SCFD2: variants seen among roughly 807,000 people sequenced by gnomAD.
SCFD2 encodes the protein sec1 family domain-containing protein 2.
A neutral mutation model predicts 58.9 loss-of-function variants in SCFD2; 54 were observed. That is an observed-to-expected ratio of 0.92 (90% CI 0.74 to 1.15). The LOEUF is 1.15. Among genes scored for constraint, SCFD2 ranks in the 50% most tolerant of loss-of-function variants. The pLI, the probability that SCFD2 is intolerant of heterozygous loss-of-function variation, is 0.00. For missense variants in SCFD2, 805 were observed against 836.6 expected (o/e 0.96, Z 0.47); for synonymous variants, 321 against 335.9 (o/e 0.96, Z 0.49).
At chr4:53,228,648 AC>A (rs1344141235) in intron 4 of SCFD2, among the ~76,000 whole-genome samples, 1 of 152,120 alleles carries the variant, frequency 6.6e-6, no homozygotes, top group African/African-American at 2.4e-5. Flanking sequence ...TTTATGACAA[AC>A]CCACAGCCAA....
intron 4 of SCFD2, among the ~76,000 whole-genome samples, chr4:53,256,477 T>C (rs550234175): frequency 1.3e-5 from 2 of 149,896 alleles, no homozygotes; most frequent in Non-Finnish European, 3.0e-5. Flanking sequence ...CCAGACGGGG[T>C]GGCGGCCGGG....
intron 3 of SCFD2, among the ~76,000 whole-genome samples, chr4:53,301,085 G>T (rs1338808638): frequency 6.6e-6 from 1 of 152,076 alleles, no homozygotes; most frequent in Non-Finnish European, 1.5e-5. Flanking sequence ...CAGAAGGCAA[G>T]AAATAACTAA....
chr4:52,877,790 C>T (rs951995759), intron 8 of SCFD2, among the ~76,000 whole-genome samples: 29 of 152,264 alleles, frequency 1.9e-4, no homozygotes, highest in African/African-American at 6.5e-4. Flanking sequence ...TGAATCTGAT[C>T]GCATTACTCA....
intron 4 of SCFD2, among the ~76,000 whole-genome samples, chr4:53,223,409 T>G (rs981858360): frequency 6.6e-6 from 1 of 152,224 alleles, no homozygotes; most frequent in African/African-American, 2.4e-5. Context: ...TTCTGTTTCT[T>G]GGTTATCTCT....
chr4:53,204,611 A>G (rs75805852), intron 4 of SCFD2, among the ~76,000 whole-genome samples: 2,085 of 150,922 alleles, frequency 0.014, 57 homozygotes, highest in African/African-American at 0.048. Context: ...CAGGGATTTC[A>G]GAAAGGGAAA....
chr4:52,996,961 C>T (rs1322193158), intron 5 of SCFD2, among the ~76,000 whole-genome samples: 1 of 152,196 alleles, frequency 6.6e-6, no homozygotes, highest in Non-Finnish European at 1.5e-5. Context: ...TGCATGTGTG[C>T]ATCTAAAATA....
At chr4:53,061,443 T>A (rs907211976) in intron 5 of SCFD2, among the ~76,000 whole-genome samples, 2 of 152,178 alleles carry the variant, frequency 1.3e-5, no homozygotes, top group African/African-American at 2.4e-5. Flanking sequence ...GCTCCTGCTC[T>A]AAATCATATG....
At chr4:53,233,274 G>A (rs1451688312) in intron 4 of SCFD2, among the ~76,000 whole-genome samples, 1 of 152,178 alleles carries the variant, frequency 6.6e-6, no homozygotes, top group Non-Finnish European at 1.5e-5. Context: ...AACAGCTAGA[G>A]GGAGTGGCTC....
chr4:53,308,858 C>G (rs1156960654), intron 3 of SCFD2, among the ~76,000 whole-genome samples: 1 of 152,088 alleles, frequency 6.6e-6, no homozygotes, highest in Non-Finnish European at 1.5e-5. Flanking sequence ...AAGCCGGGAA[C>G]GATGGCTCAC....
At chr4:53,191,167 G>A (rs1307616866) in intron 4 of SCFD2, among the ~76,000 whole-genome samples, 1 of 151,994 alleles carries the variant, frequency 6.6e-6, no homozygotes, top group African/African-American at 2.4e-5. Flanking sequence ...GGCCAACATG[G>A]TGAAACCCCC....
At chr4:53,240,301 G>GA in intron 4 of SCFD2, among the ~76,000 whole-genome samples, 4 of 152,104 alleles carry the variant, frequency 2.6e-5, no homozygotes, top group African/African-American at 9.6e-5. Flanking sequence ...TCCCAAGCTA[G>GA]AAAAAAATAG....
intron 5 of SCFD2, among the ~76,000 whole-genome samples, chr4:52,953,488 C>T (rs1009136680): frequency 4.6e-5 from 7 of 152,140 alleles, no homozygotes; most frequent in African/African-American, 2.4e-5. Context: ...AAGAAACAAG[C>T]TCAGGGAGGT....
intron 5 of SCFD2, among the ~76,000 whole-genome samples, chr4:53,136,696 G>A (rs1403237817): frequency 1.3e-5 from 2 of 152,158 alleles, no homozygotes; most frequent in Admixed American, 6.5e-5. Flanking sequence ...TATTAGACAT[G>A]CAAGTTTATG....
In SCFD2 at chr4:53,358,848, A is replaced by G. The variant is rs1262773282; in HGVS notation, c.839-6082T>C. ...TCCTCTATGCAAACATGCCTGACCC[A>G]TAGGTGTCCAAACTCTGGGTAGTCT... On this transcript the variant is annotated intron_variant, in intron 1 of 8. Coordinates refer to ENST00000401642, the MANE Select transcript of SCFD2 (RefSeq NM_152540.4). 2.6e-5 allele frequency among the ~76,000 whole-genome samples: 4 copies of G among 152,312 alleles called. No individual in the cohort carries two copies. In the East Asian group the frequency reaches 7.7e-4, roughly 29 times the overall value.
intron 4 of SCFD2, among the ~76,000 whole-genome samples, chr4:53,247,642 G>A (rs939993692): frequency 1.3e-5 from 2 of 151,682 alleles, no homozygotes; most frequent in Non-Finnish European, 2.9e-5. Flanking sequence ...GGTGGATCAT[G>A]AGGTCAGGAG....
chr4:53,069,541 G>T (rs768261326), intron 5 of SCFD2, among the ~76,000 whole-genome samples: 21 of 151,900 alleles, frequency 1.4e-4, no homozygotes, highest in Non-Finnish European at 2.9e-4. Context: ...TTACTTTCGA[G>T]GTGGCTCTTT....
chr4:53,102,328 A>G (rs1173331855), intron 5 of SCFD2, among the ~76,000 whole-genome samples: 1 of 152,092 alleles, frequency 6.6e-6, no homozygotes, highest in African/African-American at 2.4e-5. Flanking sequence ...ATTCCTCTAT[A>G]ATTCCTCTAT....
At chr4:53,138,729 T>G (rs1372267791) in intron 5 of SCFD2, among the ~76,000 whole-genome samples, 1 of 152,238 alleles carries the variant, frequency 6.6e-6, no homozygotes, top group African/African-American at 2.4e-5. Flanking sequence ...TGCTTAAATT[T>G]TTGTTTTGTT....
chr4:53,248,089 G>A lies in SCFD2; in HGVS notation c.1311+25737C>T, dbSNP rs533845483. Among the ~76,000 whole-genome samples, 24 of 152,296 alleles carry A rather than the reference G, an allele frequency of 1.6e-4. No homozygotes were observed. In the East Asian group the frequency reaches 4.6e-3, roughly 29 times the overall value. On this transcript the variant is annotated intron_variant, in intron 4 of 8. Coordinates refer to ENST00000401642, the MANE Select transcript of SCFD2 (RefSeq NM_152540.4). The stretch of plus-strand genomic sequence containing the variant: ...AGCGCACCATGCGCCACCCGAAGCA[G>A]GGCGAGGCATTGCCTCACTGGGAAG...
Sources: allele counts gnomAD v4.1 joint callset (sites outside exome capture counted in the v4.1 genomes callset), GRCh38; gene constraint gnomAD v4.1.1; transcripts MANE v1.5; gene names NCBI Gene and HGNC (gene_info 2026-07-23, HGNC 2026-07-21).